KIF26B: variants seen among roughly 807,000 people sequenced by gnomAD.
The protein encoded by KIF26B is kinesin-like protein KIF26B.
A neutral mutation model predicts 151.2 loss-of-function variants in KIF26B; 63 were observed. That is an observed-to-expected ratio of 0.42 (90% confidence interval 0.34 to 0.51). The LOEUF is 0.51. Ranked by LOEUF, KIF26B falls within the 20% of genes least tolerant of loss-of-function variation. The probability of loss-of-function intolerance (pLI) is 0.07; values close to 1 mark genes in which losing one functional copy is unlikely to be tolerated. For missense variants in KIF26B, 2,813 were observed against 2,913.6 expected, an observed-to-expected ratio of 0.97 and a Z score of 0.79; for synonymous variants, 1,357 against 1,262.1, an observed-to-expected ratio of 1.08 and a Z score of -1.59.
chr1:245,299,671 G>C (rs1671396767), intron 2 of KIF26B, among the ~76,000 whole-genome samples: 1 of 152,174 alleles, frequency 6.6e-6, no homozygotes, highest in Non-Finnish European at 1.5e-5. Flanking sequence ...CATGTCCAAG[G>C]TTGCCCAGCT....
chr1:245,604,974 G>T (rs796730211), intron 6 of KIF26B, among the ~76,000 whole-genome samples: 1 of 152,120 alleles, frequency 6.6e-6, no homozygotes, highest in African/African-American at 2.4e-5. Context: ...TCCCTTTCCC[G>T]AGCAGACGTC....
chr1:245,534,397 G>A (rs543008970), intron 4 of KIF26B, among the ~76,000 whole-genome samples: 11 of 152,112 alleles, frequency 7.2e-5, no homozygotes, highest in African/African-American at 1.4e-4. Flanking sequence ...TCCTGACCTC[G>A]TGATCTGCCT....
In KIF26B at chr1:245,257,307, C is replaced by A. The variant is rs75239229; in HGVS notation, c.465+100624C>A. On this transcript the variant is annotated intron_variant, in intron 2 of 14. Coordinates refer to ENST00000407071, the MANE Select transcript of KIF26B (RefSeq NM_018012.4). The stretch of plus-strand genomic sequence containing the variant: ...TGTATACAACCAAGCTATAGCCCGA[C>A]CACTTGGGCACGCATTCTCAGGATC... Among the ~76,000 whole-genome samples the A allele has an allele frequency of 4.6e-5, 7 of 152,316 alleles. No homozygotes were observed. In the South Asian group the frequency reaches 1.2e-3, roughly 27 times the overall value.
At chr1:245,502,984 C>T (rs1343307811) in intron 4 of KIF26B, among the ~76,000 whole-genome samples, 3 of 151,894 alleles carry the variant, frequency 2.0e-5, no homozygotes, top group Non-Finnish European at 4.4e-5. Flanking sequence ...TCCTCAGCCT[C>T]CCGAGTAGCT....
At chr1:245,254,039 T>A (rs1334983917) in intron 2 of KIF26B, among the ~76,000 whole-genome samples, 2 of 152,062 alleles carry the variant, frequency 1.3e-5, no homozygotes, top group Non-Finnish European at 2.9e-5. Context: ...CTCGATCTCC[T>A]GACCTCGTAA....
intron 4 of KIF26B, among the ~76,000 whole-genome samples, chr1:245,511,614 G>A (rs1157022753): frequency 2.6e-5 from 4 of 152,202 alleles, no homozygotes; most frequent in Middle Eastern, 3.4e-3. Context: ...GTTTGGTTTT[G>A]TTTTTTAACT....
At chr1:245,198,966 G>GGTT (rs1467581519) in intron 2 of KIF26B, among the ~76,000 whole-genome samples, 8 of 152,182 alleles carry the variant, frequency 5.3e-5, no homozygotes, top group East Asian at 3.9e-4. Flanking sequence ...GGGAGAGTGT[G>GGTT]GCCGCTGAGC....
chr1:245,332,885 A>G (rs1672142543), intron 2 of KIF26B, among the ~76,000 whole-genome samples: 1 of 152,188 alleles, frequency 6.6e-6, no homozygotes, highest in Non-Finnish European at 1.5e-5. Flanking sequence ...AGAAGGGAAG[A>G]GGACTGCTCA....
intron 5 of KIF26B, among the ~76,000 whole-genome samples, chr1:245,556,293 C>T (rs1172237144): frequency 2.0e-5 from 3 of 149,926 alleles, no homozygotes; most frequent in Non-Finnish European, 4.4e-5. Context: ...CTTCCTCCTC[C>T]TTCCTCCCTC....
At chr1:245,470,754 C>T (rs896602818) in intron 4 of KIF26B, among the ~76,000 whole-genome samples, 7 of 152,028 alleles carry the variant, frequency 4.6e-5, no homozygotes, top group African/African-American at 1.4e-4. Flanking sequence ...TGTCTTTGCT[C>T]TGTGTCTCCT....
chr1:245,671,321 T>C (rs2044282575), intron 10 of KIF26B, among the ~76,000 whole-genome samples: 1 of 152,232 alleles, frequency 6.6e-6, no homozygotes, highest in African/African-American at 2.4e-5. Context: ...TTCTGATACA[T>C]GCTGTTAATA....
chr1:245,290,611 T>C (rs1352842059), intron 2 of KIF26B, among the ~76,000 whole-genome samples: 1 of 152,214 alleles, frequency 6.6e-6, no homozygotes, highest in Non-Finnish European at 1.5e-5. Context: ...CGTGGCCATC[T>C]TGGTTTTGGT....
chr1:245,447,080 G>C (rs1223465698), intron 4 of KIF26B, among the ~76,000 whole-genome samples: 1 of 152,148 alleles, frequency 6.6e-6, no homozygotes, highest in African/African-American at 2.4e-5. Flanking sequence ...TGCAGCTCTT[G>C]GTTCTGTTTT....
At chr1:245,258,413 C>A (rs1670578931) in intron 2 of KIF26B, among the ~76,000 whole-genome samples, 2 of 152,156 alleles carry the variant, frequency 1.3e-5, no homozygotes, top group Admixed American at 6.5e-5. Context: ...AAAGCAGGAG[C>A]TCATTTCTGA....
intron 2 of KIF26B, among the ~76,000 whole-genome samples, chr1:245,184,839 T>C (rs1367786083): frequency 2.6e-5 from 4 of 152,190 alleles, no homozygotes; most frequent in Admixed American, 6.5e-5. Context: ...GGCTGCCAGG[T>C]TGCTTCCTCC....
At position 245,231,838 on chromosome 1, in the gene KIF26B, A is replaced by G. The variant is rs145179615; in HGVS notation, c.465+75155A>G. Among the ~76,000 whole-genome samples, 1,113 of 152,370 alleles carry G rather than the reference A, an allele frequency of 7.3e-3. 17 individuals carry two copies. Among genetic ancestry groups the G allele is most frequent in the African/African-American group, 0.025 (1,052 of 41,590 alleles). ...ACAAGGATGGAACAATGTTTTCAAG[A>G]AAGGTAAGGACCATCTGAATCAAGA... On this transcript the variant is annotated intron_variant, in intron 2 of 14. Coordinates refer to ENST00000407071, the MANE Select transcript of KIF26B (RefSeq NM_018012.4).
intron 2 of KIF26B, among the ~76,000 whole-genome samples, chr1:245,364,208 A>T (rs1211124466): frequency 6.6e-6 from 1 of 152,162 alleles, no homozygotes; most frequent in East Asian, 1.9e-4. Flanking sequence ...CTGAGCCACA[A>T]ATGGCAATAA....
In KIF26B at chr1:245,392,645, G is replaced by A. The variant is rs80225424; in HGVS notation, c.999+25278G>A. Among the ~76,000 whole-genome samples, 602 of 152,106 alleles carry A rather than the reference G, an allele frequency of 4.0e-3. 8 individuals carry two copies. Among genetic ancestry groups the A allele is most frequent in the African/African-American group, 0.014 (575 of 41,484 alleles). On this transcript the variant is annotated intron_variant, in intron 3 of 14. Coordinates refer to ENST00000407071, the MANE Select transcript of KIF26B (RefSeq NM_018012.4). ...CCTCTCCCTTCCCCTTTCCCTGCCCGTTCCTCTCCTGAAGCCTGTCTCTTT... is the reference window on the plus strand; with the variant it reads ...CCTCTCCCTTCCCCTTTCCCTGCCCATTCCTCTCCTGAAGCCTGTCTCTTT...
At chr1:245,542,428 C>T (rs974078379) in intron 5 of KIF26B, among the ~76,000 whole-genome samples, 1 of 152,230 alleles carries the variant, frequency 6.6e-6, no homozygotes, top group African/African-American at 2.4e-5. Context: ...TGGTGGTGGG[C>T]AGGGCAGACA....
Sources: gnomAD v4.1 joint callset for allele counts (sites outside exome capture counted in the v4.1 genomes callset) on GRCh38, gnomAD v4.1.1 for gene constraint, MANE v1.5 for transcripts, NCBI Gene and HGNC (gene_info 2026-07-23, HGNC 2026-07-21) for gene names.